The following DAPK2 variants were observed in gnomAD, a reference collection of about 807,000 sequenced individuals.
DAPK2 encodes the protein death associated protein kinase 2.
Under a neutral mutation model 44.1 loss-of-function variants are expected in DAPK2, and 35 were observed. That is an observed-to-expected ratio of 0.79 (90% CI 0.61 to 1.05). DAPK2 has a LOEUF of 1.05. Among genes scored for constraint, DAPK2 ranks in the 50% least tolerant of loss-of-function variants. DAPK2 has a pLI of 0.00. For missense variants in DAPK2, 453 were observed against 483.2 expected (o/e 0.94, Z 0.59); for synonymous variants, 174 against 182.6 (o/e 0.95, Z 0.38).
intron 3 of DAPK2, chr15:63,942,213 T>C (rs2077328226): frequency 2.0e-6 from 2 of 985,344 alleles, no homozygotes; most frequent in South Asian, 9.4e-5. Flanking sequence ...CTCACCTCTG[T>C]GGCACACAGT....
At chr15:63,922,274 C>T (rs550513380) in intron 8 of DAPK2, 1 of 990,258 alleles carries the variant, frequency 1.0e-6, no homozygotes, top group East Asian at 1.1e-4. Flanking sequence ...ATTATTTTCT[C>T]TATGCATTGT....
At chr15:64,022,570 A>T (rs1447750090) in intron 1 of DAPK2, among the ~76,000 whole-genome samples, 5 of 152,212 alleles carry the variant, frequency 3.3e-5, no homozygotes, top group African/African-American at 1.2e-4. Flanking sequence ...TAATCTCAGC[A>T]CTTTGGGAGA....
At chr15:63,978,297 TGGGCC>T in intron 2 of DAPK2, among the ~76,000 whole-genome samples, 1 of 152,210 alleles carries the variant, frequency 6.6e-6, no homozygotes, top group Non-Finnish European at 1.5e-5. Flanking sequence ...CCAGGTTGTG[TGGGCC>T]TGTGACCTCG....
intron 1 of DAPK2, among the ~76,000 whole-genome samples, chr15:63,994,295 G>A (rs770972147): frequency 1.8e-4 from 27 of 152,162 alleles, no homozygotes; most frequent in Non-Finnish European, 2.9e-4. Context: ...TGTGATAAAG[G>A]GCCTTGTCAT....
intron 1 of DAPK2, among the ~76,000 whole-genome samples, chr15:63,997,479 C>T (rs193163113): frequency 9.1e-4 from 139 of 152,218 alleles, no homozygotes; most frequent in Admixed American, 3.9e-4. Flanking sequence ...TACATGTGCC[C>T]GCCACCATGC....
intron 1 of DAPK2, among the ~76,000 whole-genome samples, chr15:64,033,287 G>GGCAGGAAGGAAGGAAGGAA (rs2080077211): frequency 2.0e-5 from 1 of 51,176 alleles, no homozygotes; most frequent in Non-Finnish European, 4.5e-5. Context: ...AGGGGGAAGG[G>GGCAGGAAGGAAGGAAGGAA]GGAAGGAAGG....
intron 3 of DAPK2, among the ~76,000 whole-genome samples, chr15:63,942,973 T>A (rs908570115): frequency 6.6e-6 from 1 of 152,082 alleles, no homozygotes; most frequent in Non-Finnish European, 1.5e-5. Flanking sequence ...CTGCTCAATA[T>A]ATGTGCCCCA....
intron 6 of DAPK2, among the ~76,000 whole-genome samples, chr15:63,928,716 T>A (rs989280452): frequency 6.6e-6 from 1 of 151,690 alleles, no homozygotes; most frequent in African/African-American, 2.4e-5. Flanking sequence ...GCCCCAGAGG[T>A]AACTCACTAC....
intron 3 of DAPK2, among the ~76,000 whole-genome samples, chr15:63,960,203 C>A (rs1235340340): frequency 1.3e-5 from 2 of 151,936 alleles, no homozygotes; most frequent in Admixed American, 6.6e-5. Context: ...TGGTGATATC[C>A]CCTTTATCAT....
chr15:63,934,500 G>A (rs1026690553), intron 4 of DAPK2, among the ~76,000 whole-genome samples: 5 of 151,560 alleles, frequency 3.3e-5, no homozygotes, highest in Admixed American at 6.6e-5. Flanking sequence ...CAGGTGATCC[G>A]CCCACCTTGG....
In DAPK2 at chr15:63,914,410, G is replaced by C. The variant is rs533400987; in HGVS notation, c.859-2213C>G. 1.6e-4 allele frequency among the ~76,000 whole-genome samples: 24 copies of C among 152,252 alleles called. 1 individual carries two copies. Among genetic ancestry groups the C allele is most frequent in the African/African-American group, 5.8e-4 (24 of 41,530 alleles). On this transcript the variant is annotated intron_variant, in intron 8 of 10. Transcript: ENST00000261891. The stretch of plus-strand genomic sequence containing the variant: ...AGGAATGGGAAGAGAAAAGGACAAG[G>C]CTGCCGGAGGAACCAGCAGGCCATG...
intron 3 of DAPK2, among the ~76,000 whole-genome samples, chr15:63,941,824 C>A (rs1026035321): frequency 2.0e-5 from 3 of 152,140 alleles, no homozygotes; most frequent in Non-Finnish European, 4.4e-5. Context: ...TGGAGAGGAT[C>A]CAGGAAAGTG....
intron 3 of DAPK2, among the ~76,000 whole-genome samples, chr15:63,941,644 T>A (rs1490977606): frequency 6.6e-6 from 1 of 150,436 alleles, no homozygotes; most frequent in Non-Finnish European, 1.5e-5. Context: ...TTAAAAAAAA[T>A]AAATAACACA....
intron 1 of DAPK2, among the ~76,000 whole-genome samples, chr15:63,996,740 G>A (rs941051785): frequency 3.3e-5 from 5 of 152,176 alleles, no homozygotes; most frequent in Non-Finnish European, 5.9e-5. Context: ...TTTCACAGAC[G>A]GCTAAAGGGA....
In DAPK2 at chr15:63,958,339, CAGA is replaced by C. The variant is rs564361227; in HGVS notation, c.453+13081_453+13083del. The stretch of plus-strand genomic sequence containing the variant: ...TCTGATGGTAGTTTCTTTTGCTGTG[CAGA>C]AGCTCTTTAATTTAATTAGCTCCCA... On this transcript the variant is annotated intron_variant, in intron 3 of 10. Transcript: ENST00000261891. Among the ~76,000 whole-genome samples the C allele has an allele frequency of 1.5e-4, 23 of 152,288 alleles. No individual in the cohort carries two copies. In the South Asian group the frequency reaches 4.8e-3, roughly 32 times the overall value.
At chr15:64,036,507 C>T (rs1222266876) in intron 1 of DAPK2, among the ~76,000 whole-genome samples, 2 of 151,384 alleles carry the variant, frequency 1.3e-5, no homozygotes, top group Non-Finnish European at 2.9e-5. Context: ...CTTCCAGTCA[C>T]TAGTCCCCAA....
chr15:63,961,044 A>G (rs1313367809), intron 3 of DAPK2, among the ~76,000 whole-genome samples: 2 of 152,182 alleles, frequency 1.3e-5, no homozygotes, highest in African/African-American at 4.8e-5. Context: ...TATTGGTTGC[A>G]TATATATTTA....
At chr15:63,929,562 G>T (rs540274954) in exon 6 of DAPK2, 4 of 1,614,078 alleles carry the variant, frequency 2.5e-6, no homozygotes, top group Admixed American at 1.7e-5. Context: ...GGATGTAGGT[G>T]ATGACGCCTA....
chr15:63,987,854 C>T (rs565211619), intron 1 of DAPK2, among the ~76,000 whole-genome samples: 5 of 152,302 alleles, frequency 3.3e-5, no homozygotes, highest in African/African-American at 1.2e-4. Flanking sequence ...TTCAACTCCC[C>T]AGGCCTCAGT....
Sources: allele counts gnomAD v4.1 joint callset (sites outside exome capture counted in the v4.1 genomes callset), GRCh38; gene constraint gnomAD v4.1.1; transcripts MANE v1.5; gene names NCBI Gene and HGNC (gene_info 2026-07-23, HGNC 2026-07-21).